Variants in MACROD2 observed in about 807,000 individuals in gnomAD.
The protein encoded by MACROD2 is ADP-ribose glycohydrolase MACROD2.
MACROD2 carries 36 observed loss-of-function variants against 70.4 expected under a neutral mutation model. The ratio of observed to expected loss-of-function variants is 0.51; its 90% CI spans 0.39 to 0.68. The LOEUF (loss-of-function observed/expected upper bound fraction) is 0.68, where lower values mean the gene tolerates loss of function less well. Ranked by LOEUF, MACROD2 falls within the 30% of genes least tolerant of loss-of-function variation. The pLI is 0.00. For missense variants in MACROD2, 496 were observed against 538.4 expected (o/e 0.92, Z 0.78); for synonymous variants, 172 against 178.8 (o/e 0.96, Z 0.30).
At chr20:14,437,723 T>G (rs2084073540) in intron 3 of MACROD2, among the ~76,000 whole-genome samples, 3 of 152,242 alleles carry the variant, frequency 2.0e-5, no homozygotes, top group Admixed American at 6.5e-5. Context: ...TGAATAATAA[T>G]GGTACTTATA....
intron 5 of MACROD2, among the ~76,000 whole-genome samples, chr20:14,941,600 T>A (rs1391140471): frequency 6.6e-6 from 1 of 152,142 alleles, no homozygotes; most frequent in Non-Finnish European, 1.5e-5. Flanking sequence ...TCTGTAGCCC[T>A]GGAAACTGTC....
At chr20:15,333,358 C>T (rs2078013569) in intron 6 of MACROD2, among the ~76,000 whole-genome samples, 1 of 151,616 alleles carries the variant, frequency 6.6e-6, no homozygotes, top group East Asian at 1.9e-4. Context: ...AGCATTCAGC[C>T]TCTTAAGCTC....
intron 2 of MACROD2, among the ~76,000 whole-genome samples, chr20:14,071,257 T>TTG (rs1569145234): frequency 9.7e-6 from 1 of 102,566 alleles, no homozygotes; most frequent in Non-Finnish European, 2.3e-5. Context: ...CTTGTGTTTT[T>TTG]TTTTTTTTTT....
chr20:14,379,996 T>C (rs2083406684), intron 3 of MACROD2, among the ~76,000 whole-genome samples: 1 of 152,166 alleles, frequency 6.6e-6, no homozygotes, highest in Non-Finnish European at 1.5e-5. Context: ...ATGGTAATTC[T>C]ATGTTTAGTT....
rs144688891 is a variant in MACROD2, at chr20:15,667,825, C to G, written c.645+167978C>G. On this transcript the variant is annotated intron_variant, in intron 8 of 17. Transcript: ENST00000684519. The stretch of plus-strand genomic sequence containing the variant: ...AACAGTGTCCTGCTTTGGTAAAGTA[C>G]TATATTTTGAATTTTTCTGATTATT... 6.8e-3 allele frequency among the ~76,000 whole-genome samples: 1,031 copies of G among 152,134 alleles called. 10 individuals carry two copies. Among genetic ancestry groups the G allele is most frequent in the African/African-American group, 0.024 (977 of 41,498 alleles).
At chr20:15,310,528 A>G (rs1264616790) in intron 6 of MACROD2, among the ~76,000 whole-genome samples, 2 of 152,204 alleles carry the variant, frequency 1.3e-5, no homozygotes, top group Admixed American at 6.5e-5. Context: ...TGACTATAGT[A>G]AAAAAGAGAA....
intron 6 of MACROD2, among the ~76,000 whole-genome samples, chr20:15,331,439 T>C (rs943525177): frequency 6.6e-6 from 1 of 151,528 alleles, no homozygotes; most frequent in African/African-American, 2.4e-5. Flanking sequence ...TGCACATCAA[T>C]TTTTTTTCTA....
intron 3 of MACROD2, among the ~76,000 whole-genome samples, chr20:14,377,804 T>A (rs1423298036): frequency 6.6e-6 from 1 of 152,250 alleles, no homozygotes; most frequent in Non-Finnish European, 1.5e-5. Context: ...AATTCACTTT[T>A]CTGTGGATCT....
chr20:14,988,870 A>G (rs1291382550), intron 5 of MACROD2, among the ~76,000 whole-genome samples: 1 of 152,152 alleles, frequency 6.6e-6, no homozygotes, highest in Non-Finnish European at 1.5e-5. Flanking sequence ...CAATGTCCGG[A>G]ATTTCTGCAG....
chr20:14,735,466 C>T (rs746889391), intron 5 of MACROD2, among the ~76,000 whole-genome samples: 4 of 152,050 alleles, frequency 2.6e-5, no homozygotes, highest in Non-Finnish European at 5.9e-5. Flanking sequence ...CTGATAATGG[C>T]AAATAATAAT....
At chr20:15,946,553 A>G (rs1021545524) in intron 12 of MACROD2, among the ~76,000 whole-genome samples, 4 of 152,208 alleles carry the variant, frequency 2.6e-5, no homozygotes, top group African/African-American at 9.6e-5. Context: ...AAATGTTATC[A>G]TGAACTATAT....
chr20:14,453,312 C>G (rs2084264740), intron 3 of MACROD2, among the ~76,000 whole-genome samples: 1 of 152,128 alleles, frequency 6.6e-6, no homozygotes, highest in South Asian at 2.1e-4. Flanking sequence ...GGCTCCTCTT[C>G]TTGAAATGGT....
chr20:15,211,752 C>T (rs1189556655), intron 5 of MACROD2, among the ~76,000 whole-genome samples: 1 of 152,108 alleles, frequency 6.6e-6, no homozygotes, highest in Non-Finnish European at 1.5e-5. Context: ...CCAAAATAAA[C>T]CTCTTTTCTT....
intron 12 of MACROD2, among the ~76,000 whole-genome samples, chr20:15,953,934 T>G (rs1258247632): frequency 6.6e-6 from 1 of 152,126 alleles, no homozygotes; most frequent in Non-Finnish European, 1.5e-5. Context: ...ATGAATTTGC[T>G]CACTGTTTTT....
At chr20:14,854,965 G>A (rs775159232) in intron 5 of MACROD2, among the ~76,000 whole-genome samples, 1 of 152,102 alleles carries the variant, frequency 6.6e-6, no homozygotes, top group East Asian at 1.9e-4. Flanking sequence ...GCAGTGAGCC[G>A]AGATCGCACC....
intron 4 of MACROD2, among the ~76,000 whole-genome samples, chr20:14,530,036 T>C (rs1445219148): frequency 6.6e-6 from 1 of 152,276 alleles, no homozygotes; most frequent in East Asian, 1.9e-4. Flanking sequence ...GGATTATCAC[T>C]GGGTGACCGA....
chr20:15,287,884 C>G (rs974353015), intron 6 of MACROD2, among the ~76,000 whole-genome samples: 2 of 152,140 alleles, frequency 1.3e-5, no homozygotes, highest in Non-Finnish European at 2.9e-5. Context: ...ATCTGCTTTT[C>G]TTTGAACCTT....
chr20:15,021,128 A>G (rs1427559180), intron 5 of MACROD2, among the ~76,000 whole-genome samples: 18 of 128,158 alleles, frequency 1.4e-4, no homozygotes, highest in Non-Finnish European at 1.5e-4. Context: ...ACACGTGTGT[A>G]TACACATACG....
At chr20:14,653,339 G>C (rs577105033) in intron 4 of MACROD2, among the ~76,000 whole-genome samples, 36 of 151,152 alleles carry the variant, frequency 2.4e-4, no homozygotes, top group Admixed American at 4.6e-4. Context: ...CTGCGTCAGC[G>C]TCCTGAGTAG....
Sources: gnomAD v4.1 joint callset for allele counts (sites outside exome capture counted in the v4.1 genomes callset) on GRCh38, gnomAD v4.1.1 for gene constraint, MANE v1.5 for transcripts, NCBI Gene and HGNC (gene_info 2026-07-23, HGNC 2026-07-21) for gene names.